The following SYNE1 variants were observed in gnomAD, a reference collection of about 807,000 sequenced individuals.
SYNE1 encodes spectrin repeat containing nuclear envelope protein 1.
Under a neutral mutation model 1,111.0 loss-of-function variants are expected in SYNE1, and 616 were observed. The observed-to-expected ratio is 0.55, with a 90% CI of 0.52 to 0.59. SYNE1 has a LOEUF of 0.59. Among genes scored for constraint, SYNE1 ranks in the 20% least tolerant of loss-of-function variants. The pLI is 0.00. For synonymous variants in SYNE1, 3,855 were observed against 3,825.8 expected (o/e 1.01, Z -0.28); for missense variants, 10,006 against 10,417.0 (o/e 0.96, Z 1.72).
At chr6:152,160,704 T>C (rs2062307007) in intron 131 of SYNE1, among the ~76,000 whole-genome samples, 1 of 152,174 alleles carries the variant, frequency 6.6e-6, no homozygotes, top group Non-Finnish European at 1.5e-5. Flanking sequence ...TGGCAGGGTA[T>C]AAAATTCTAA....
At chr6:152,537,821 A>G (rs1342471429) in intron 4 of SYNE1, among the ~76,000 whole-genome samples, 3 of 152,204 alleles carry the variant, frequency 2.0e-5, no homozygotes, top group African/African-American at 7.2e-5. Context: ...CTCCCAAGAT[A>G]GAAGAACTTT....
At chr6:152,443,646 C>G (rs1042865431) in intron 30 of SYNE1, among the ~76,000 whole-genome samples, 1 of 152,064 alleles carries the variant, frequency 6.6e-6, no homozygotes, top group Non-Finnish European at 1.5e-5. Context: ...ATGCAACTTC[C>G]GTTTTTATAT....
chr6:152,402,821 A>C (rs927979815), intron 46 of SYNE1, among the ~76,000 whole-genome samples: 3 of 152,096 alleles, frequency 2.0e-5, no homozygotes, highest in Admixed American at 2.0e-4. Flanking sequence ...ACTAGAGTAC[A>C]CCAATAACTC....
intron 13 of SYNE1, 99 bp from the exon 14 acceptor site, chr6:152,483,348 T>C: frequency 2.9e-6 from 3 of 1,032,674 alleles, no homozygotes; most frequent in Admixed American, 2.0e-5. Context: ...AAGCTTTAAG[T>C]TAATGATTTC....
intron 3 of SYNE1, among the ~76,000 whole-genome samples, chr6:152,548,413 C>G (rs2099325126): frequency 6.6e-6 from 1 of 152,196 alleles, no homozygotes; most frequent in South Asian, 2.1e-4. Flanking sequence ...ATGGCTGGAC[C>G]ACAATTGCTC....
intron 6 of SYNE1, among the ~76,000 whole-genome samples, chr6:152,513,646 T>A (rs1405566310): frequency 3.3e-5 from 5 of 152,114 alleles, no homozygotes; most frequent in Admixed American, 2.0e-4. Flanking sequence ...GTGAGATTAG[T>A]GTTCTTAAAA....
chr6:152,530,573 A>G (rs2099192369), intron 4 of SYNE1, among the ~76,000 whole-genome samples: 2 of 152,030 alleles, frequency 1.3e-5, no homozygotes. Flanking sequence ...TTCCAGAAAG[A>G]AACAATTCAT....
chr6:152,158,462 C>G (rs564462926), intron 131 of SYNE1, among the ~76,000 whole-genome samples: 3 of 152,110 alleles, frequency 2.0e-5, no homozygotes, highest in Non-Finnish European at 4.4e-5. Context: ...CAAACACTAG[C>G]TATTGTCAAA....
intron 3 of SYNE1, among the ~76,000 whole-genome samples, chr6:152,604,988 GAAAGAAAGAAAGAAAGAA>G (rs1334484592): frequency 0.023 from 534 of 23,632 alleles, 5 homozygotes; most frequent in Middle Eastern, 0.045. Context: ...AAGAAAGAAA[GAAAGAAAGAAAGAAAGAA>G]AGAGAGAGAG....
chr6:152,234,521 C>T, intron 111 of SYNE1, 147 bp downstream of exon 111: 1 of 900,070 alleles, frequency 1.1e-6, no homozygotes. Context: ...TCCCGAACTC[C>T]TGACCTCGTG....
chr6:152,589,507 G>A (rs2099551713), intron 3 of SYNE1, among the ~76,000 whole-genome samples: 1 of 152,100 alleles, frequency 6.6e-6, no homozygotes, highest in Non-Finnish European at 1.5e-5. Context: ...ACCGGTAGAA[G>A]TGCAGGTCAG....
At chr6:152,509,390 G>A (rs1429595898) in intron 8 of SYNE1, among the ~76,000 whole-genome samples, 1 of 151,678 alleles carries the variant, frequency 6.6e-6, no homozygotes, top group Non-Finnish European at 1.5e-5. Flanking sequence ...CCGAGTAGCT[G>A]GGATTACAGG....
intron 3 of SYNE1, among the ~76,000 whole-genome samples, chr6:152,578,851 T>A (rs1049794611): frequency 6.6e-6 from 1 of 152,126 alleles, no homozygotes; most frequent in African/African-American, 2.4e-5. Flanking sequence ...AACTTTTTAT[T>A]TTTTTTAACA....
intron 49 of SYNE1, 141 bp from the exon 50 acceptor site, chr6:152,397,121 G>A: frequency 1.2e-6 from 1 of 813,028 alleles, no homozygotes. Context: ...CATACAATTG[G>A]GCACAACCAA....
At position 152,529,932 on chromosome 6, in the gene SYNE1, A is replaced by T. The variant is rs375152068; in HGVS notation, c.130-3757T>A. ...CACACCCTCAACCCCAGCAAAAAAAAAGTTAACCCAAATCACATTATTAGC... is the reference window on the plus strand; with the variant it reads ...CACACCCTCAACCCCAGCAAAAAAATAGTTAACCCAAATCACATTATTAGC... On this transcript the variant is annotated intron_variant, in intron 4 of 145. Transcript: ENST00000367255. Among the ~76,000 whole-genome samples, 302 of 152,216 alleles carry T rather than the reference A, an allele frequency of 2.0e-3. 1 individual carries two copies. Among genetic ancestry groups the T allele is most frequent in the South Asian group, 5.8e-3 (28 of 4,814 alleles).
chr6:152,622,928 G>A (rs1321782002), intron 3 of SYNE1, among the ~76,000 whole-genome samples: 1 of 152,070 alleles, frequency 6.6e-6, no homozygotes, highest in Non-Finnish European at 1.5e-5. Flanking sequence ...GCCAATATCA[G>A]TTACTTTTTT....
At chr6:152,160,604 G>A (rs1358690386) in intron 131 of SYNE1, among the ~76,000 whole-genome samples, 2 of 152,166 alleles carry the variant, frequency 1.3e-5, no homozygotes, top group African/African-American at 4.8e-5. Context: ...AGTATGAAGT[G>A]TATTTTCCTC....
Position 152,353,337 on chromosome 6 carries a change from T to G in SYNE1, c.11179A>C (p.Asn3727His), listed in dbSNP as rs758415122. Reference protein sequence around the residue: ...YSDWYGSTHKNFKNVATKIDK... With the variant: ...YSDWYGSTHKHFKNVATKIDK... ...ATCTTGGTAGCCACATTCTTGAAGT[T>G]TTTATGAGTAGAGCCATACCAATCA... The change falls in exon 69 of 146, where the codon AAC (asparagine) becomes CAC (histidine). Residue 3727 changes from asparagine to histidine, a missense_variant. By Grantham distance (68) the Asn-to-His change is moderately conservative. Coordinates refer to ENST00000367255, the MANE Select transcript of SYNE1 (RefSeq NM_182961.4). 1.1e-5 allele frequency: 18 copies of G among 1,614,094 alleles called. No homozygotes were observed. In the East Asian group the frequency reaches 4.0e-4, roughly 36 times the overall value.
intron 3 of SYNE1, among the ~76,000 whole-genome samples, chr6:152,596,943 G>A (rs1252904901): frequency 6.6e-6 from 1 of 152,180 alleles, no homozygotes; most frequent in Non-Finnish European, 1.5e-5. Flanking sequence ...CTCTGTGCCA[G>A]GAACATGAGG....
Sources: gnomAD v4.1 joint callset for allele counts (sites outside exome capture counted in the v4.1 genomes callset) on GRCh38, gnomAD v4.1.1 for gene constraint, MANE v1.5 for transcripts, NCBI Gene and HGNC (gene_info 2026-07-23, HGNC 2026-07-21) for gene names.